Variants in IFNLR1 observed in about 807,000 individuals in gnomAD.
The protein encoded by IFNLR1 is interferon lambda receptor 1.
A neutral mutation model predicts 52.5 loss-of-function variants in IFNLR1; 28 were observed. The ratio of observed to expected loss-of-function variants is 0.53; its 90% confidence interval spans 0.40 to 0.73. The LOEUF is 0.73. Among genes scored for constraint, IFNLR1 ranks in the 30% least tolerant of loss-of-function variants. The pLI is 0.00. For synonymous variants in IFNLR1, 276 were observed against 274.9 expected, an observed-to-expected ratio of 1.00 and a Z score of -0.04; for missense variants, 623 against 659.1, an observed-to-expected ratio of 0.95 and a Z score of 0.60.
chr1:24,166,817 T>G (rs971354854), intron 3 of IFNLR1, among the ~76,000 whole-genome samples: 4 of 151,984 alleles, frequency 2.6e-5, no homozygotes, highest in Admixed American at 2.6e-4. Context: ...CCTCAAAGGA[T>G]CTTCCCACCT....
chr1:24,176,963 C>T (rs913419687), intron 2 of IFNLR1, among the ~76,000 whole-genome samples: 1 of 152,112 alleles, frequency 6.6e-6, no homozygotes, highest in Admixed American at 6.5e-5. Flanking sequence ...TGATATGAGT[C>T]CCTAAAGAAG....
intron 2 of IFNLR1, among the ~76,000 whole-genome samples, chr1:24,174,084 T>A (rs145202403): frequency 6.7e-6 from 1 of 150,028 alleles, no homozygotes; most frequent in African/African-American, 2.5e-5. Context: ...GCTGGGGCCC[T>A]AATCCAGTAG....
intron 4 of IFNLR1, among the ~76,000 whole-genome samples, chr1:24,160,204 TCTC>T (rs1644427696): frequency 6.6e-6 from 1 of 152,120 alleles, no homozygotes; most frequent in Admixed American, 6.6e-5. Context: ...CATCTTGGGG[TCTC>T]CTAGTCTATC....
At position 24,180,975 on chromosome 1, in the gene IFNLR1, G is replaced by A. The variant is rs972089097; in HGVS notation, c.59-121C>T. The A allele has an allele frequency of 1.4e-5, 14 of 1,009,422 alleles. No individual in the cohort carries two copies. The African/African-American group carries it at 1.8e-4, about 13-fold the overall frequency. The allele number at this position is 1,009,422 out of a possible 1,614,324, so 62.5% of individuals were successfully genotyped here. On this transcript the variant is annotated intron_variant, in intron 1 of 6. Coordinates refer to ENST00000327535, the MANE Select transcript of IFNLR1 (RefSeq NM_170743.4). ...GCTCACTGAGTTTGAGGAACCAGGA[G>A]CCACTGACTGGCTGTACTGCAGCCC...
In IFNLR1 at chr1:24,156,082, T is replaced by C. The variant is rs940861338; in HGVS notation, c.*1048A>G. 1.3e-5 allele frequency: 2 copies of C among 152,162 alleles called. No individual in the cohort carries two copies. Among genetic ancestry groups the C allele is most frequent in the Admixed American group, 1.3e-4 (2 of 15,268 alleles). The allele number at this position is 152,162 out of a possible 1,614,324, so 9.4% of individuals were successfully genotyped here. A position where few individuals can be genotyped will look rare whatever the true frequency, so the allele number is the denominator to read the frequency against. ...GTCCTACTCCAACAAACTGGGTCCC[T>C]AGAAGGTGGAGCAGTTGGTTCCTCC... On this transcript the variant is annotated 3_prime_UTR_variant, in exon 7 of 7. Coordinates refer to ENST00000327535, the MANE Select transcript of IFNLR1 (RefSeq NM_170743.4).
rs1011520572 is a variant in IFNLR1, at chr1:24,157,192, C to T, written c.1501G>A (p.Ala501Thr). The T allele has an allele frequency of 6.2e-6, 10 of 1,614,054 alleles. No individual in the cohort carries two copies. The highest frequency in any genetic ancestry group is 1.7e-5 in the Admixed American group (1 of 60,018). Residue 501 changes from alanine to threonine, a missense_variant, in exon 7 of 7, where the codon GCT (alanine) becomes ACT (threonine). Physicochemically the swap from Ala to Thr is moderately conservative, Grantham distance 58. Coordinates refer to ENST00000327535, the MANE Select transcript of IFNLR1 (RefSeq NM_170743.4). This position sits in a 1 kb window ranked among gnomAD's most constrained non-coding sequence, Gnocchi z 5.1. Reference protein sequence around the residue: ...IEDSDAGSWGAESTQRTEDRG... With the variant: ...IEDSDAGSWGTESTQRTEDRG... Reference sequence around the variant, plus strand: ...TCCTCGGTCCTCTGGGTGCTCTCAGCCCCCCAGCTGCCCGCATCGCTGTCC... The same window carrying T: ...TCCTCGGTCCTCTGGGTGCTCTCAGTCCCCCAGCTGCCCGCATCGCTGTCC...
At chr1:24,161,730 C>A in intron 3 of IFNLR1, 46 bp from the exon 4 acceptor site, 3 of 1,446,842 alleles carry the variant, frequency 2.1e-6, no homozygotes, top group Non-Finnish European at 2.7e-6. Context: ...AGGGGCCGCA[C>A]TGCCTCCATC....
rs1170103824 is a variant in IFNLR1 at position 24,162,841 on chromosome 1, T to C, written c.368-1157A>G. ...TTTCTTCTTTCTTTCTTTTCTTTCTTTCTTTCTTTCTTTCTTTCTTTCTTT... is the reference window on the plus strand; with the variant it reads ...TTTCTTCTTTCTTTCTTTTCTTTCTCTCTTTCTTTCTTTCTTTCTTTCTTT... On this transcript the variant is annotated intron_variant, in intron 3 of 6. Coordinates refer to ENST00000327535, the MANE Select transcript of IFNLR1 (RefSeq NM_170743.4). 1.2e-3 allele frequency among the ~76,000 whole-genome samples: 75 copies of C among 62,358 alleles called. 3 individuals are homozygous for C. The highest frequency in any genetic ancestry group is 6.1e-3 in the Middle Eastern group (1 of 164). The allele number at this position is 62,358 out of a possible 152,430, so 40.9% of individuals were successfully genotyped here. A position where few individuals can be genotyped will look rare whatever the true frequency, so the allele number is the denominator to read the frequency against.
At chr1:24,185,413 A>G (rs181074492) in intron 1 of IFNLR1, among the ~76,000 whole-genome samples, 1 of 152,318 alleles carries the variant, frequency 6.6e-6, no homozygotes, top group Admixed American at 6.5e-5. Flanking sequence ...TTCCTGCCCT[A>G]TAGGAGCTCA....
At chr1:24,178,114 G>A (rs1004890756) in intron 2 of IFNLR1, among the ~76,000 whole-genome samples, 8 of 151,930 alleles carry the variant, frequency 5.3e-5, no homozygotes, top group African/African-American at 1.9e-4. Context: ...GTGAAACCCC[G>A]TCTCTACTAA....
At chr1:24,169,969 C>T (rs575825734) in intron 2 of IFNLR1, among the ~76,000 whole-genome samples, 10 of 152,340 alleles carry the variant, frequency 6.6e-5, no homozygotes. Flanking sequence ...CGTTTATGGG[C>T]CACCTGCTGC....
chr1:24,156,970 T>A lies in IFNLR1; in HGVS notation c.*160A>T. ...ACAGGAGGGAGGGGCATCTTGTTGC[T>A]CAGCCCGACAGGCAAACAGCCGCTA... On this transcript the variant is annotated 3_prime_UTR_variant, in exon 7 of 7. Coordinates refer to ENST00000327535, the MANE Select transcript of IFNLR1 (RefSeq NM_170743.4). The A allele has an allele frequency of 1.3e-6, 1 of 756,636 alleles. No individual in the cohort carries two copies. 46.9% of individuals were successfully genotyped at this position (756,636 alleles called of 1,614,324 possible).
chr1:24,160,277 C>T (rs755443738), intron 4 of IFNLR1, among the ~76,000 whole-genome samples: 10 of 152,214 alleles, frequency 6.6e-5, no homozygotes, highest in Non-Finnish European at 1.0e-4. Context: ...ACTGGCCACG[C>T]GTGACTACTG....
In IFNLR1 at chr1:24,157,864, C is replaced by T. The variant is rs1557640720; in HGVS notation, c.829G>A (p.Ala277Thr). ...TCTGGTCTGCTGGGCTGAAAGGTTG[C>T]CACAGGGTGTGTGTGTCCAGAAAAG... is the stretch of plus-strand genomic sequence containing the variant. Reference protein sequence around the residue: ...LDFSGHTHPVATFQPSRPESV... With the variant: ...LDFSGHTHPVTTFQPSRPESV... Residue 277 changes from alanine to threonine, a missense_variant, in exon 7 of 7, where the codon GCA (alanine) becomes ACA (threonine). Coordinates refer to ENST00000327535, the MANE Select transcript of IFNLR1 (RefSeq NM_170743.4). This position sits in a 1 kb window ranked among gnomAD's most constrained non-coding sequence, Gnocchi z 5.1. The T allele has an allele frequency of 6.2e-7, 1 of 1,604,476 alleles. No individual in the cohort carries two copies. Among genetic ancestry groups the T allele is most frequent in the Non-Finnish European group, 8.5e-7 (1 of 1,175,572 alleles).
intron 3 of IFNLR1, among the ~76,000 whole-genome samples, chr1:24,162,774 TTCTTTTTCTTTCTTTTTC>T (rs1156910529): frequency 0.012 from 474 of 41,002 alleles, 20 homozygotes; most frequent in African/African-American, 0.027. Flanking sequence ...CTTTCTTTCT[TTCTTTTTCTTTCTTTTTC>T]TTTCTTTCTT....
At position 24,157,259 on chromosome 1, in the gene IFNLR1, G is replaced by A. The variant is rs1361484103; in HGVS notation, c.1434C>T (p.Ser478=). 1 of 1,614,168 alleles carries A rather than the reference G, an allele frequency of 6.2e-7. No homozygotes were observed. Among genetic ancestry groups the A allele is most frequent in the Non-Finnish European group, 8.5e-7 (1 of 1,180,032 alleles). Residue 478 remains serine, a synonymous_variant, in exon 7 of 7, where the codon AGC becomes AGT. Coordinates refer to ENST00000327535, the MANE Select transcript of IFNLR1 (RefSeq NM_170743.4). The surrounding 1 kb of genome is among the most constrained non-coding windows in gnomAD (Gnocchi z 5.1). ...TCGCCTCCTCTTCCTCCTCAGGGCTGCTTTCCCAGCAGAAGGTCAGTGTCT... is the reference window on the plus strand; with the variant it reads ...TCGCCTCCTCTTCCTCCTCAGGGCTACTTTCCCAGCAGAAGGTCAGTGTCT... ...SLQTLTFCWE[S]SPEEEEEARE...
At chr1:24,181,527 C>T (rs1403982172) in intron 1 of IFNLR1, among the ~76,000 whole-genome samples, 3 of 152,346 alleles carry the variant, frequency 2.0e-5, no homozygotes, top group Middle Eastern at 3.4e-3. Context: ...CTTCTCATTG[C>T]CACAAGCTCT....
At chr1:24,183,762 T>C (rs7546025) in intron 1 of IFNLR1, among the ~76,000 whole-genome samples, 133,793 of 152,148 alleles carry the variant, frequency 0.88, 58,986 homozygotes, top group African/African-American at 0.92. Flanking sequence ...CAGAGTCTTA[T>C]GCTGCCACCC....
chr1:24,162,719 CTT>C (rs762537917), intron 3 of IFNLR1, among the ~76,000 whole-genome samples: 1 of 43,388 alleles, frequency 2.3e-5, no homozygotes, highest in Non-Finnish European at 4.8e-5. Context: ...TTCTTTCTTT[CTT>C]TCTTTTCTTT....
Sources: gnomAD v4.1 joint callset for allele counts (sites outside exome capture counted in the v4.1 genomes callset) on GRCh38, gnomAD v4.1.1 for gene constraint, Gnocchi (gnomAD v3.1) non-coding constraint, MANE v1.5 for transcripts, NCBI Gene and HGNC (gene_info 2026-07-23, HGNC 2026-07-21) for gene names.